The following BNC2 variants were observed in gnomAD, a reference collection of about 807,000 sequenced individuals.
The protein encoded by BNC2 is zinc finger protein basonuclin-2.
In BNC2, 20 loss-of-function variants were observed where a neutral mutation model predicts 76.3. The observed-to-expected ratio is 0.26, with a 90% CI of 0.18 to 0.38. The LOEUF is 0.38. Among genes scored for constraint, BNC2 ranks in the 10% least tolerant of loss-of-function variants. The pLI, the probability that BNC2 is intolerant of heterozygous loss-of-function variation, is 1.00. For missense variants in BNC2, 1,382 were observed against 1,399.8 expected (o/e 0.99, Z 0.20); for synonymous variants, 582 against 514.8 (o/e 1.13, Z -1.77).
intron 5 of BNC2, among the ~76,000 whole-genome samples, chr9:16,482,032 C>T (rs1822067545): frequency 6.6e-6 from 1 of 152,112 alleles, no homozygotes; most frequent in Admixed American, 6.5e-5. Flanking sequence ...TAGCTACAAA[C>T]ACATATAAAA....
At chr9:16,624,939 C>A (rs1165268626) in intron 3 of BNC2, among the ~76,000 whole-genome samples, 1 of 152,186 alleles carries the variant, frequency 6.6e-6, no homozygotes, top group African/African-American at 2.4e-5. Context: ...CAACTGTGTA[C>A]ATCCTTTAAA....
chr9:16,442,920 A>G (rs1224522016), intron 5 of BNC2, among the ~76,000 whole-genome samples: 2 of 152,016 alleles, frequency 1.3e-5, no homozygotes, highest in African/African-American at 4.8e-5. Flanking sequence ...AGCCTGGCCA[A>G]CACCATGAAA....
rs1438503541 is a variant in BNC2 at position 16,502,017 on chromosome 9, G to C, written c.669+50513C>G. Among the ~76,000 whole-genome samples the C allele has an allele frequency of 2.0e-5, 3 of 152,242 alleles. No homozygotes were observed. The East Asian group carries it at 5.8e-4, about 29-fold the overall frequency. On this transcript the variant is annotated intron_variant, in intron 5 of 6. Coordinates refer to ENST00000380672, the MANE Select transcript of BNC2 (RefSeq NM_017637.6). ...TTTTGACTGCTAGTCCCAAGAAAAA[G>C]GTCTCCTCAGATAAATGAGTTTAGG...
intron 1 of BNC2, among the ~76,000 whole-genome samples, chr9:16,844,428 A>T (rs973724910): frequency 8.6e-5 from 13 of 151,908 alleles, no homozygotes; most frequent in African/African-American, 3.1e-4. Context: ...TAAAAAAAAA[A>T]GATGTCAGGT....
chr9:16,497,491 T>C (rs1297502593), intron 5 of BNC2, among the ~76,000 whole-genome samples: 2 of 152,164 alleles, frequency 1.3e-5, no homozygotes, highest in Non-Finnish European at 2.9e-5. Context: ...TTATTGCTTA[T>C]TATATGCCAC....
At position 16,690,900 on chromosome 9, in the gene BNC2, A is replaced by G. The variant is rs1167668406; in HGVS notation, c.330+36897T>C. Among the ~76,000 whole-genome samples the G allele has an allele frequency of 2.6e-5, 4 of 152,316 alleles. No individual in the cohort carries two copies. The South Asian group carries it at 6.2e-4, about 24-fold the overall frequency. The stretch of plus-strand genomic sequence containing the variant: ...CAGGCACAATGTCCTCACAGCCACC[A>G]GGAGCTATTTCACTAAGGTTCACTC... On this transcript the variant is annotated intron_variant, in intron 3 of 6. Transcript: ENST00000380672.
intron 3 of BNC2, among the ~76,000 whole-genome samples, chr9:16,632,243 C>T (rs576646543): frequency 3.9e-5 from 6 of 151,938 alleles, no homozygotes; most frequent in African/African-American, 1.2e-4. Context: ...TTTACTGAAC[C>T]CCTTCTATGT....
At chr9:16,775,371 G>GT (rs1430895625) in intron 1 of BNC2, among the ~76,000 whole-genome samples, 1 of 145,382 alleles carries the variant, frequency 6.9e-6, no homozygotes, top group African/African-American at 2.6e-5. Context: ...CCATACCACT[G>GT]TTTCCTTAAA....
intron 5 of BNC2, among the ~76,000 whole-genome samples, chr9:16,521,370 T>C (rs1817615818): frequency 6.6e-6 from 1 of 152,224 alleles, no homozygotes; most frequent in Non-Finnish European, 1.5e-5. Context: ...TAAGTGGGAA[T>C]GGGGACAATG....
In BNC2 at chr9:16,457,692, C is replaced by T. The variant is rs118006875; in HGVS notation, c.670-20168G>A. On this transcript the variant is annotated intron_variant, in intron 5 of 6. Coordinates refer to ENST00000380672, the MANE Select transcript of BNC2 (RefSeq NM_017637.6). Reference sequence around the variant, plus strand: ...ATTCCAGATTCCCAGAAGGAAAGCGCGTGTTCGGCATAAAGCATATTATTT... The same window carrying T: ...ATTCCAGATTCCCAGAAGGAAAGCGTGTGTTCGGCATAAAGCATATTATTT... Among the ~76,000 whole-genome samples the T allele has an allele frequency of 4.1e-3, 620 of 152,200 alleles. 4 individuals carry two copies. The highest frequency in any genetic ancestry group is 6.5e-3 in the Non-Finnish European group (442 of 68,012).
chr9:16,562,514 G>C (rs1456882829), intron 4 of BNC2, among the ~76,000 whole-genome samples: 3 of 152,140 alleles, frequency 2.0e-5, no homozygotes, highest in African/African-American at 7.2e-5. Flanking sequence ...GGTAGTTACA[G>C]CCTACATAAT....
chr9:16,563,460 A>G lies in BNC2; in HGVS notation c.434-10695T>C, dbSNP rs536812437. Among the ~76,000 whole-genome samples, 12 of 152,312 alleles carry G rather than the reference A, an allele frequency of 7.9e-5. No individual in the cohort carries two copies. The South Asian group carries it at 2.5e-3, about 32-fold the overall frequency. On this transcript the variant is annotated intron_variant, in intron 4 of 6. Coordinates refer to ENST00000380672, the MANE Select transcript of BNC2 (RefSeq NM_017637.6). ...AGAGCGAAACCCTGTATCTACCAAA[A>G]AAAAAAATTATAAATCATTATTTGA... is the stretch of plus-strand genomic sequence containing the variant.
intron 4 of BNC2, among the ~76,000 whole-genome samples, chr9:16,564,325 T>C (rs950747292): frequency 3.9e-5 from 6 of 152,098 alleles, no homozygotes; most frequent in South Asian, 2.1e-4. Context: ...ACAATCTTAA[T>C]GTAAGGAGAA....
At chr9:16,842,239 G>A (rs374433910) in intron 1 of BNC2, among the ~76,000 whole-genome samples, 1 of 152,156 alleles carries the variant, frequency 6.6e-6, no homozygotes, top group African/African-American at 2.4e-5. Context: ...ACTAGTAAGA[G>A]AAATTCACTT....
chr9:16,536,820 T>C (rs1427931775), intron 5 of BNC2, among the ~76,000 whole-genome samples: 1 of 152,196 alleles, frequency 6.6e-6, no homozygotes, highest in Non-Finnish European at 1.5e-5. Flanking sequence ...AGCCAAATTT[T>C]AGTTTCTGTC....
rs549426138 is a variant in BNC2, at chr9:16,808,027, T to C, written c.3+62619A>G. Among the ~76,000 whole-genome samples the C allele has an allele frequency of 2.5e-3, 387 of 152,236 alleles. 2 individuals are homozygous for C. The highest frequency in any genetic ancestry group is 8.8e-3 in the African/African-American group (365 of 41,538). ...TCTGTAAAATAAGAATAATAATACATGGCACAGAACCTGGCAAAAAGGAGG... is the reference window on the plus strand; with the variant it reads ...TCTGTAAAATAAGAATAATAATACACGGCACAGAACCTGGCAAAAAGGAGG... On this transcript the variant is annotated intron_variant, in intron 1 of 6. Transcript: ENST00000380672.
At chr9:16,727,660 A>G in intron 3 of BNC2, 137 bp downstream of exon 3, 2 of 742,230 alleles carry the variant, frequency 2.7e-6, no homozygotes, top group Non-Finnish European at 4.3e-6. Flanking sequence ...CAGTTATGAC[A>G]AAACAAGAGC....
chr9:16,690,150 G>C (rs1587318806), intron 3 of BNC2, among the ~76,000 whole-genome samples: 1 of 152,252 alleles, frequency 6.6e-6, no homozygotes, highest in South Asian at 2.1e-4. Context: ...TAGAACCTAA[G>C]GGCGAAGAAG....
At chr9:16,789,818 C>A (rs59002011) in intron 1 of BNC2, among the ~76,000 whole-genome samples, 2,747 of 152,320 alleles carry the variant, frequency 0.018, 79 homozygotes, top group African/African-American at 0.062. Flanking sequence ...GCCTGGCACA[C>A]TGCAGACACT....
Sources: gnomAD v4.1 joint callset for allele counts (sites outside exome capture counted in the v4.1 genomes callset) on GRCh38, gnomAD v4.1.1 for gene constraint, MANE v1.5 for transcripts, NCBI Gene and HGNC (gene_info 2026-07-23, HGNC 2026-07-21) for gene names.